Variants in NLGN1 observed in about 807,000 individuals in gnomAD.
The protein encoded by NLGN1 is neuroligin-1.
In NLGN1, 12 loss-of-function variants were observed where a neutral mutation model predicts 65.5. The ratio of observed to expected loss-of-function variants is 0.18; its 90% CI spans 0.12 to 0.30. The LOEUF (loss-of-function observed/expected upper bound fraction) is 0.30, where lower values mean the gene tolerates loss of function less well. Among genes scored for constraint, NLGN1 ranks in the 10% least tolerant of loss-of-function variants. The pLI, the probability that NLGN1 is intolerant of heterozygous loss-of-function variation, is 1.00. For missense variants in NLGN1, 750 were observed against 1,007.1 expected (o/e 0.74, Z 3.46); for synonymous variants, 350 against 359.5 (o/e 0.97, Z 0.30).
intron 4 of NLGN1, among the ~76,000 whole-genome samples, chr3:174,082,177 A>G (rs1742372426): frequency 6.6e-6 from 1 of 152,224 alleles, no homozygotes; most frequent in African/African-American, 2.4e-5. Flanking sequence ...AAACAACTTT[A>G]ATAGAGCCTT....
intron 1 of NLGN1, among the ~76,000 whole-genome samples, chr3:173,410,037 T>C (rs1192567232): frequency 6.6e-6 from 1 of 152,178 alleles, no homozygotes; most frequent in Non-Finnish European, 1.5e-5. Flanking sequence ...TTGTTCTGCA[T>C]AATTCTTTAG....
intron 4 of NLGN1, among the ~76,000 whole-genome samples, chr3:174,179,584 A>G (rs1730017708): frequency 6.6e-6 from 1 of 152,132 alleles, no homozygotes; most frequent in African/African-American, 2.4e-5. Context: ...TGTATTTTTT[A>G]ACTTAAATTA....
At chr3:174,012,746 C>G (rs900405880) in intron 4 of NLGN1, among the ~76,000 whole-genome samples, 3 of 152,152 alleles carry the variant, frequency 2.0e-5, no homozygotes, top group African/African-American at 7.2e-5. Context: ...GGTCTACTCT[C>G]TTTTACTGAT....
At chr3:174,051,287 G>T (rs771376720) in intron 4 of NLGN1, among the ~76,000 whole-genome samples, 7 of 152,012 alleles carry the variant, frequency 4.6e-5, no homozygotes, top group Non-Finnish European at 8.8e-5. Context: ...CTCTCAAGTA[G>T]GTTCAATTTC....
intron 3 of NLGN1, among the ~76,000 whole-genome samples, chr3:173,761,282 A>G (rs780103561): frequency 4.6e-5 from 7 of 152,062 alleles, no homozygotes; most frequent in Admixed American, 2.0e-4. Flanking sequence ...CTCAAAGCCC[A>G]CTGGAGTGAC....
chr3:173,470,513 T>C (rs1443652352), intron 2 of NLGN1, among the ~76,000 whole-genome samples: 1 of 152,156 alleles, frequency 6.6e-6, no homozygotes, highest in African/African-American at 2.4e-5. Context: ...AGCATGGGTT[T>C]GTCTTGCCAA....
intron 4 of NLGN1, among the ~76,000 whole-genome samples, chr3:173,940,563 G>C (rs1745902384): frequency 6.6e-6 from 1 of 152,040 alleles, no homozygotes; most frequent in Admixed American, 6.6e-5. Context: ...CGGAAAAACT[G>C]TCCTGAACAA....
chr3:173,939,315 A>G lies in NLGN1; in HGVS notation c.646+131483A>G, dbSNP rs542644905. 3.9e-5 allele frequency among the ~76,000 whole-genome samples: 6 copies of G among 152,330 alleles called. No individual in the cohort carries two copies. In the East Asian group the frequency reaches 1.2e-3, roughly 29 times the overall value. On this transcript the variant is annotated intron_variant, in intron 4 of 6. Transcript: ENST00000457714. Reference sequence around the variant, plus strand: ...GTTCTTATCCCTTCAACTGAAAAGAATCAAGTTAAATCTGTAGGGAATGAA... The same window carrying G: ...GTTCTTATCCCTTCAACTGAAAAGAGTCAAGTTAAATCTGTAGGGAATGAA...
intron 4 of NLGN1, among the ~76,000 whole-genome samples, chr3:173,870,275 T>A (rs1311289832): frequency 6.6e-6 from 1 of 152,190 alleles, no homozygotes; most frequent in African/African-American, 2.4e-5. Context: ...TTCCTCTTGC[T>A]TTCAAATCCA....
At chr3:174,276,008 A>AAG (rs1750490316) in intron 5 of NLGN1, among the ~76,000 whole-genome samples, 1 of 151,930 alleles carries the variant, frequency 6.6e-6, no homozygotes, top group African/African-American at 2.4e-5. Flanking sequence ...TTGTTGTCTG[A>AAG]GTACAGAATG....
chr3:173,433,308 C>T (rs980171760), intron 1 of NLGN1, among the ~76,000 whole-genome samples: 1 of 152,160 alleles, frequency 6.6e-6, no homozygotes, highest in Middle Eastern at 3.2e-3. Context: ...ACTTGCCTCT[C>T]TTTGGATGCC....
chr3:173,560,095 C>T (rs1742444736), intron 2 of NLGN1, among the ~76,000 whole-genome samples: 1 of 152,046 alleles, frequency 6.6e-6, no homozygotes, highest in Non-Finnish European at 1.5e-5. Context: ...AGGCGCCTGC[C>T]ACCACGCCTG....
intron 3 of NLGN1, among the ~76,000 whole-genome samples, chr3:173,609,955 A>T (rs1258902500): frequency 2.6e-5 from 4 of 152,030 alleles, no homozygotes; most frequent in Admixed American, 2.6e-4. Flanking sequence ...AACAATTAGG[A>T]ATATAGCAGA....
intron 3 of NLGN1, among the ~76,000 whole-genome samples, chr3:173,687,132 C>T (rs909271091): frequency 6.6e-6 from 1 of 152,130 alleles, no homozygotes; most frequent in East Asian, 1.9e-4. Context: ...ATGGAATCCA[C>T]GATCAGGTTG....
At chr3:174,126,781 T>C (rs1352049959) in intron 4 of NLGN1, among the ~76,000 whole-genome samples, 1 of 152,140 alleles carries the variant, frequency 6.6e-6, no homozygotes, top group Non-Finnish European at 1.5e-5. Flanking sequence ...GCCTTTTCCA[T>C]GTACCTAATC....
At chr3:173,691,784 A>G (rs568302077) in intron 3 of NLGN1, among the ~76,000 whole-genome samples, 4 of 152,164 alleles carry the variant, frequency 2.6e-5, no homozygotes, top group African/African-American at 9.6e-5. Context: ...AGCTTCCAAA[A>G]CCAAAGAAAA....
At chr3:173,631,912 T>C (rs549691867) in intron 3 of NLGN1, among the ~76,000 whole-genome samples, 8 of 152,014 alleles carry the variant, frequency 5.3e-5, no homozygotes, top group African/African-American at 1.9e-4. Flanking sequence ...TTTTTTTTTG[T>C]AATGAACTTT....
At chr3:173,950,778 C>T (rs1300678786) in intron 4 of NLGN1, among the ~76,000 whole-genome samples, 4 of 150,006 alleles carry the variant, frequency 2.7e-5, no homozygotes, top group Non-Finnish European at 5.9e-5. Context: ...CATTACACTC[C>T]AGCCTTGGCG....
chr3:173,873,470 C>T (rs1291763489), intron 4 of NLGN1, among the ~76,000 whole-genome samples: 1 of 152,056 alleles, frequency 6.6e-6, no homozygotes, highest in African/African-American at 2.4e-5. Context: ...GAAAAACTAA[C>T]ATAACTATTT....
Sources: allele counts gnomAD v4.1 joint callset (sites outside exome capture counted in the v4.1 genomes callset), GRCh38; gene constraint gnomAD v4.1.1; transcripts MANE v1.5; gene names NCBI Gene and HGNC (gene_info 2026-07-23, HGNC 2026-07-21).